LRRIQ3: variants seen among roughly 807,000 people sequenced by gnomAD.
LRRIQ3 encodes the protein leucine-rich repeat and IQ domain-containing protein 3.
LRRIQ3 carries 75 observed loss-of-function variants against 59.3 expected under a neutral mutation model. The ratio of observed to expected loss-of-function variants is 1.26; its 90% confidence interval spans 1.05 to 1.53. The LOEUF (loss-of-function observed/expected upper bound fraction) is 1.53, where lower values mean the gene tolerates loss of function less well. Ranked by LOEUF, LRRIQ3 falls within the 40% of genes most tolerant of loss-of-function variation. The probability of loss-of-function intolerance (pLI) is 0.00; values close to 1 mark genes in which losing one functional copy is unlikely to be tolerated. For missense variants in LRRIQ3, 831 were observed against 710.0 expected (o/e 1.17, Z -1.94); for synonymous variants, 250 against 231.3 (o/e 1.08, Z -0.73).
chr1:74,042,106 C>T (rs1377540709), intron 6 of LRRIQ3, among the ~76,000 whole-genome samples, 173 bp from the exon 7 acceptor site: 2 of 152,062 alleles, frequency 1.3e-5, no homozygotes, highest in African/African-American at 4.8e-5. Context: ...AGAAGAAAAT[C>T]ACTATTAAAA....
At chr1:74,068,496 A>T (rs1372196664) in intron 6 of LRRIQ3, among the ~76,000 whole-genome samples, 2 of 152,108 alleles carry the variant, frequency 1.3e-5, no homozygotes, top group Non-Finnish European at 2.9e-5. Context: ...TGGGCAATGC[A>T]GGGGAGCACA....
chr1:74,113,946 CCT>C (rs1420072054), intron 4 of LRRIQ3, among the ~76,000 whole-genome samples: 11 of 151,450 alleles, frequency 7.3e-5, no homozygotes, highest in African/African-American at 9.7e-5. Context: ...ATATAAATCC[CCT>C]CTCTCTTTCT....
In LRRIQ3 at chr1:74,180,611, TCTC is replaced by T. The variant is rs369521424; in HGVS notation, c.573+1924_573+1926del. 6.4e-4 allele frequency: 665 copies of T among 1,046,464 alleles called. 12 individuals carry two copies. The South Asian group carries it at 0.011, about 17-fold the overall frequency. 64.8% of individuals were successfully genotyped at this position (1,046,464 alleles called of 1,614,324 possible). On this transcript the variant is annotated intron_variant, in intron 3 of 7. Coordinates refer to ENST00000354431, the MANE Select transcript of LRRIQ3 (RefSeq NM_001105659.2). ...AGAGGAGTATTTCCACACTTATTCT[TCTC>T]CTCTTTCCACACTCAGTGTGAAAAG...
chr1:74,055,219 C>T (rs1166264828), intron 6 of LRRIQ3, among the ~76,000 whole-genome samples: 1 of 144,616 alleles, frequency 6.9e-6, no homozygotes, highest in Non-Finnish European at 1.5e-5. Flanking sequence ...TATACACACA[C>T]ATACATATAA....
In LRRIQ3 at chr1:74,197,139, G is replaced by T. The variant is rs570694597; in HGVS notation, c.-1+857C>A. On this transcript the variant is annotated intron_variant, in intron 1 of 7. Coordinates refer to ENST00000354431, the MANE Select transcript of LRRIQ3 (RefSeq NM_001105659.2). Reference sequence around the variant, plus strand: ...AAACTATGAAAGAGTAATCTAATCTGCCATTTTATCCAAATGTTTCCACTA... The same window carrying T: ...AAACTATGAAAGAGTAATCTAATCTTCCATTTTATCCAAATGTTTCCACTA... Among the ~76,000 whole-genome samples the T allele has an allele frequency of 4.6e-5, 7 of 152,134 alleles. No homozygotes were observed. The South Asian group carries it at 1.5e-3, about 32-fold the overall frequency.
intron 4 of LRRIQ3, among the ~76,000 whole-genome samples, chr1:74,109,793 T>C (rs1426054425): frequency 1.3e-5 from 2 of 151,830 alleles, no homozygotes; most frequent in African/African-American, 4.8e-5. Flanking sequence ...CAAACAATTC[T>C]GTACTTACAT....
At chr1:74,106,946 T>C (rs924422930) in intron 5 of LRRIQ3, among the ~76,000 whole-genome samples, 4 of 151,956 alleles carry the variant, frequency 2.6e-5, no homozygotes, top group Admixed American at 2.6e-4. Context: ...CTAGGAAGTG[T>C]TCCACATCCT....
At chr1:74,189,455 T>C (rs1650615258) in intron 1 of LRRIQ3, among the ~76,000 whole-genome samples, 2 of 152,134 alleles carry the variant, frequency 1.3e-5, no homozygotes, top group Admixed American at 6.6e-5. Context: ...AGTTTCCTTA[T>C]CTGTAAAAAG....
intron 6 of LRRIQ3, among the ~76,000 whole-genome samples, chr1:74,061,244 T>C (rs1654713615): frequency 1.3e-5 from 2 of 152,240 alleles, no homozygotes; most frequent in Middle Eastern, 3.4e-3. Flanking sequence ...AAGATCTCTC[T>C]CATGAGAATT....
chr1:74,135,373 G>A (rs372215147), intron 4 of LRRIQ3, among the ~76,000 whole-genome samples: 15 of 151,786 alleles, frequency 9.9e-5, no homozygotes, highest in Non-Finnish European at 1.3e-4. Context: ...CAAACATATA[G>A]CAAATTATAG....
intron 3 of LRRIQ3, chr1:74,180,588 A>G: frequency 1.3e-6 from 1 of 782,186 alleles, no homozygotes; most frequent in Non-Finnish European, 1.9e-6. Flanking sequence ...AAAATAGTAG[A>G]GGAGTATTTC....
chr1:74,036,950 T>C (rs1222954326), intron 7 of LRRIQ3, among the ~76,000 whole-genome samples: 1 of 152,236 alleles, frequency 6.6e-6, no homozygotes, highest in Non-Finnish European at 1.5e-5. Flanking sequence ...TTACTCTATG[T>C]TTAATATTAT....
chr1:74,074,181 A>G (rs1008394409), intron 6 of LRRIQ3, among the ~76,000 whole-genome samples: 1 of 152,282 alleles, frequency 6.6e-6, no homozygotes, highest in Admixed American at 6.5e-5. Flanking sequence ...TTCTACCCCA[A>G]ATGAGGTTCT....
chr1:74,182,397 A>G, intron 3 of LRRIQ3, 141 bp downstream of exon 3: 1 of 443,412 alleles, frequency 2.3e-6, no homozygotes, highest in Admixed American at 4.2e-5. Flanking sequence ...AGACATTACA[A>G]ATATATTCAT....
chr1:74,161,244 C>T (rs1457706866), intron 3 of LRRIQ3, among the ~76,000 whole-genome samples: 1 of 151,914 alleles, frequency 6.6e-6, no homozygotes, highest in African/African-American at 2.4e-5. Context: ...GACCTAATCA[C>T]CTCCAAAAGT....
chr1:74,052,541 T>C (rs1246377896), intron 6 of LRRIQ3, among the ~76,000 whole-genome samples: 3 of 152,120 alleles, frequency 2.0e-5, no homozygotes, highest in Admixed American at 1.3e-4. Context: ...CATTTTTTGA[T>C]CTAAAACTTC....
At chr1:74,172,092 TATTTC>T (rs1273607501) in intron 3 of LRRIQ3, among the ~76,000 whole-genome samples, 3 of 152,178 alleles carry the variant, frequency 2.0e-5, no homozygotes, top group Non-Finnish European at 4.4e-5. Context: ...TGCTATTCCG[TATTTC>T]ATTTATTTTT....
chr1:74,180,532 C>T (rs921382232), intron 3 of LRRIQ3: 5 of 513,776 alleles, frequency 9.7e-6, no homozygotes, highest in Non-Finnish European at 1.0e-5. Flanking sequence ...TTAAGTGCTG[C>T]CATTTCTGTT....
Position 74,099,594 on chromosome 1 carries a change from A to G in LRRIQ3, c.867+9800T>C, listed in dbSNP as rs570712372. 1.5e-3 allele frequency among the ~76,000 whole-genome samples: 226 copies of G among 152,282 alleles called. 1 individual carries two copies. Among genetic ancestry groups the G allele is most frequent in the African/African-American group, 5.1e-3 (210 of 41,570 alleles). ...ATCCTGATACCAAAGCCTAGCAGAG[A>G]CACAACAAAAAAAGAGAATTTTAGA... On this transcript the variant is annotated intron_variant, in intron 5 of 7. Transcript: ENST00000354431.
Sources: gnomAD v4.1 joint callset for allele counts (sites outside exome capture counted in the v4.1 genomes callset) on GRCh38, gnomAD v4.1.1 for gene constraint, MANE v1.5 for transcripts, NCBI Gene and HGNC (gene_info 2026-07-23, HGNC 2026-07-21) for gene names.